Variants in ADCK1 observed in about 807,000 individuals in gnomAD.
ADCK1 encodes the protein aarF domain-containing protein kinase 1.
In ADCK1, 41 loss-of-function variants were observed where a neutral mutation model predicts 52.3. The ratio of observed to expected loss-of-function variants is 0.78; its 90% confidence interval spans 0.61 to 1.02. The LOEUF (loss-of-function observed/expected upper bound fraction) is 1.02, where lower values mean the gene tolerates loss of function less well. ADCK1 is among the 50% of genes least tolerant of loss of function. ADCK1 has a pLI of 0.00. For missense variants in ADCK1, 658 were observed against 679.5 expected (o/e 0.97, Z 0.35); for synonymous variants, 250 against 274.6 (o/e 0.91, Z 0.89).
At chr14:77,915,429 T>C (rs747549547) in intron 7 of ADCK1, among the ~76,000 whole-genome samples, 45 of 150,310 alleles carry the variant, frequency 3.0e-4, no homozygotes, top group Non-Finnish European at 4.3e-4. Flanking sequence ...CTATGAGTGA[T>C]AAATTATGCT....
chr14:77,909,384 C>T (rs2083741700), intron 7 of ADCK1, among the ~76,000 whole-genome samples: 1 of 152,144 alleles, frequency 6.6e-6, no homozygotes, highest in African/African-American at 2.4e-5. Context: ...ATCCGCCTGC[C>T]TCGATCTCCC....
At chr14:77,874,208 C>T (rs2082848713) in intron 4 of ADCK1, among the ~76,000 whole-genome samples, 1 of 152,214 alleles carries the variant, frequency 6.6e-6, no homozygotes, top group Non-Finnish European at 1.5e-5. Flanking sequence ...CTTGATTCAT[C>T]ACAACCACCC....
At chr14:77,818,832 G>C in intron 1 of ADCK1, 136 bp from the exon 2 acceptor site, 2 of 1,020,984 alleles carry the variant, frequency 2.0e-6, no homozygotes, top group Non-Finnish European at 2.8e-6. Flanking sequence ...TTTTACAAAC[G>C]AAGAAACTAA....
chr14:77,918,253 G>A (rs1472361196), intron 7 of ADCK1, among the ~76,000 whole-genome samples: 1 of 152,210 alleles, frequency 6.6e-6, no homozygotes, highest in Non-Finnish European at 1.5e-5. Flanking sequence ...TTCAGTGGCA[G>A]CAGGCTGGAC....
intron 6 of ADCK1, among the ~76,000 whole-genome samples, chr14:77,904,266 G>A (rs2083609359): frequency 6.6e-6 from 1 of 152,196 alleles, no homozygotes; most frequent in African/African-American, 2.4e-5. Context: ...ATAGTAGTGG[G>A]AAATGGGGGC....
chr14:77,928,977 C>A (rs1566743713), intron 9 of ADCK1, among the ~76,000 whole-genome samples: 1 of 152,184 alleles, frequency 6.6e-6, no homozygotes, highest in Non-Finnish European at 1.5e-5. Context: ...AAGGCAAAGA[C>A]CCCGTCTTGT....
intron 7 of ADCK1, 94 bp downstream of exon 7, chr14:77,908,013 G>A (rs2083707300): frequency 3.0e-6 from 3 of 998,788 alleles, no homozygotes; most frequent in Non-Finnish European, 3.1e-6. Flanking sequence ...AGGCCTCAGA[G>A]TCTGGCCCCC....
chr14:77,872,852 T>A (rs942380238), intron 4 of ADCK1, among the ~76,000 whole-genome samples: 5 of 152,118 alleles, frequency 3.3e-5, no homozygotes, highest in Non-Finnish European at 5.9e-5. Context: ...TTCTTTGTAT[T>A]TTTAGTAGAG....
At position 77,822,475 on chromosome 14, in the gene ADCK1, G is replaced by A. The variant is rs2081604180; in HGVS notation, c.176G>A (p.Ser59Asn). The A allele has an allele frequency of 6.2e-7, 1 of 1,614,192 alleles. No individual in the cohort carries two copies. Among genetic ancestry groups the A allele is most frequent in the African/African-American group, 1.3e-5 (1 of 75,042 alleles). Residue 59 changes from serine to asparagine, a missense_variant, in exon 3 of 11, where the codon AGT (serine) becomes AAT (asparagine). Transcript: ENST00000238561. Reference sequence around the variant, plus strand: ...TACGACTACCTCACTTCCCTGAAGAGTGTCCCTTATGGCTCAGAGGAGTAC... The same window carrying A: ...TACGACTACCTCACTTCCCTGAAGAATGTCCCTTATGGCTCAGAGGAGTAC... ...ISYDYLTSLK[S>N]VPYGSEEYLQ...
intron 4 of ADCK1, among the ~76,000 whole-genome samples, chr14:77,873,522 G>T (rs546536146): frequency 1.3e-5 from 2 of 152,342 alleles, no homozygotes; most frequent in Non-Finnish European, 1.5e-5. Context: ...TGGAGAACTG[G>T]ACTTGAGTAT....
intron 6 of ADCK1, among the ~76,000 whole-genome samples, chr14:77,906,947 G>A (rs1265837836): frequency 6.6e-6 from 1 of 152,168 alleles, no homozygotes; most frequent in African/African-American, 2.4e-5. Context: ...TTTCAGACAG[G>A]ATCTTGCTCT....
At chr14:77,910,559 C>T (rs146985392) in intron 7 of ADCK1, among the ~76,000 whole-genome samples, 20 of 152,310 alleles carry the variant, frequency 1.3e-4, no homozygotes, top group African/African-American at 4.1e-4. Context: ...GCCTCATCCC[C>T]GCCAGGTTCC....
At chr14:77,814,824 C>T (rs1341951105) in intron 1 of ADCK1, among the ~76,000 whole-genome samples, 1 of 150,600 alleles carries the variant, frequency 6.6e-6, no homozygotes, top group Non-Finnish European at 1.5e-5. Flanking sequence ...GTTGGTAGTT[C>T]GGTGGCCCAT....
At position 77,933,469 on chromosome 14, in the gene ADCK1, A is replaced by G. The variant is rs1445067436; in HGVS notation, c.*78A>G. ...CATCTTGCCTCCACCCAGCTGCTCC[A>G]TTTTTGCCACATCGTGGCCCGCAGC... On this transcript the variant is annotated 3_prime_UTR_variant, in exon 11 of 11. Coordinates refer to ENST00000238561, the MANE Select transcript of ADCK1 (RefSeq NM_020421.4). 4 of 1,572,840 alleles carry G rather than the reference A, an allele frequency of 2.5e-6. No individual in the cohort carries two copies. The highest frequency in any genetic ancestry group is 2.7e-5 in the African/African-American group (2 of 73,760).
chr14:77,905,478 C>T (rs912169355), intron 6 of ADCK1, among the ~76,000 whole-genome samples: 1 of 151,182 alleles, frequency 6.6e-6, no homozygotes, highest in East Asian at 2.0e-4. Flanking sequence ...GGATTACAGG[C>T]GTGAGCCACT....
chr14:77,812,879 C>T (rs2081364157), intron 1 of ADCK1, among the ~76,000 whole-genome samples: 1 of 151,494 alleles, frequency 6.6e-6, no homozygotes. Flanking sequence ...TATGAGTCAC[C>T]ATGCCCGGCT....
chr14:77,908,185 A>G (rs1280446140), intron 7 of ADCK1: 7 of 273,948 alleles, frequency 2.6e-5, no homozygotes, highest in African/African-American at 1.5e-4. Context: ...GAGCCCCACA[A>G]AGCTAAGCGG....
At chr14:77,806,508 A>T (rs947378051) in intron 1 of ADCK1, among the ~76,000 whole-genome samples, 1 of 152,158 alleles carries the variant, frequency 6.6e-6, no homozygotes, top group South Asian at 2.1e-4. Context: ...GTCTCTCTCC[A>T]GAGAGATCTA....
intron 6 of ADCK1, among the ~76,000 whole-genome samples, chr14:77,907,354 A>G (rs1297525276): frequency 3.3e-5 from 5 of 152,248 alleles, no homozygotes; most frequent in Non-Finnish European, 7.3e-5. Flanking sequence ...ATCTGGTTAA[A>G]ACTCAGTCAT....
Sources: gnomAD v4.1 joint callset for allele counts (sites outside exome capture counted in the v4.1 genomes callset) on GRCh38, gnomAD v4.1.1 for gene constraint, MANE v1.5 for transcripts, NCBI Gene and HGNC (gene_info 2026-07-23, HGNC 2026-07-21) for gene names.